The following CCDC150 variants were observed in gnomAD, a reference collection of about 807,000 sequenced individuals.
CCDC150 encodes coiled-coil domain containing 150.
A neutral mutation model predicts 156.5 loss-of-function variants in CCDC150; 151 were observed. That is an observed-to-expected ratio of 0.97 (90% CI 0.85 to 1.10). The LOEUF (loss-of-function observed/expected upper bound fraction) is 1.10, where lower values mean the gene tolerates loss of function less well. Ranked by LOEUF, CCDC150 falls within the 50% of genes least tolerant of loss-of-function variation. The pLI, the probability that CCDC150 is intolerant of heterozygous loss-of-function variation, is 0.00. For synonymous variants in CCDC150, 452 were observed against 429.4 expected (o/e 1.05, Z -0.65); for missense variants, 1,312 against 1,268.1 (o/e 1.03, Z -0.53).
At chr2:196,676,760 C>T in intron 12 of CCDC150, 29 bp downstream of exon 12, 2 of 1,561,096 alleles carry the variant, frequency 1.3e-6, no homozygotes, top group Non-Finnish European at 1.8e-6. Flanking sequence ...ACATTATCTT[C>T]TCATTGTGGT....
At chr2:196,710,758 G>T (rs950740694) in intron 15 of CCDC150, among the ~76,000 whole-genome samples, 3 of 152,100 alleles carry the variant, frequency 2.0e-5, no homozygotes, top group Non-Finnish European at 4.4e-5. Context: ...TACATATAAA[G>T]TTATTTTTTA....
In CCDC150 at chr2:196,701,161, A is replaced by G. The variant is rs1363291112; in HGVS notation, c.1676A>G (p.Tyr559Cys). Reference sequence around the variant, plus strand: ...ACTGAAAGTAAAAATAAACTGGCCTATGAAAACGGAAAACTCCAGGTATGA... The same window carrying G: ...ACTGAAAGTAAAAATAAACTGGCCTGTGAAAACGGAAAACTCCAGGTATGA... ...KITESKNKLA[Y>C]ENGKLQIKVK... Residue 559 changes from tyrosine (Y) to cysteine (C), a missense_variant, in exon 15 of 28, where the codon TAT becomes TGT. By Grantham distance (194) the Tyr-to-Cys change is radical. Coordinates refer to ENST00000389175, the MANE Select transcript of CCDC150 (RefSeq NM_001080539.2). The G allele has an allele frequency of 1.9e-6, 3 of 1,606,666 alleles. No homozygotes were observed. Among genetic ancestry groups the G allele is most frequent in the African/African-American group, 1.3e-5 (1 of 74,868 alleles).
chr2:196,689,568 A>G (rs1157535064), intron 13 of CCDC150, among the ~76,000 whole-genome samples: 1 of 152,036 alleles, frequency 6.6e-6, no homozygotes, highest in East Asian at 1.9e-4. Flanking sequence ...GTGTATAAGA[A>G]TGCTTGTGAT....
intron 27 of CCDC150, 41 bp from the exon 28 acceptor site, chr2:196,732,405 G>T: frequency 1.4e-6 from 2 of 1,431,064 alleles, no homozygotes; most frequent in South Asian, 2.3e-5. Flanking sequence ...GCTGCAGTTA[G>T]CTCTGAACAG....
chr2:196,732,268 A>G, intron 27 of CCDC150, 116 bp downstream of exon 27: 1 of 1,289,702 alleles, frequency 7.8e-7, no homozygotes, highest in Non-Finnish European at 1.1e-6. Context: ...TAGTTTCTTT[A>G]GACTAATGCT....
intron 18 of CCDC150, chr2:196,719,283 A>G (rs1029162984): frequency 2.5e-6 from 1 of 400,112 alleles, no homozygotes; most frequent in South Asian, 4.6e-5. Context: ...GAAGCTGCAG[A>G]GTTCACCAAC....
intron 22 of CCDC150, 46 bp downstream of exon 22, chr2:196,726,145 A>G (rs759508194): frequency 1.9e-6 from 3 of 1,603,462 alleles, no homozygotes; most frequent in South Asian, 2.2e-5. Context: ...GCCTCTTAGG[A>G]TAAGCAGCTC....
intron 1 of CCDC150, among the ~76,000 whole-genome samples, chr2:196,640,453 A>G (rs966834539): frequency 2.0e-5 from 3 of 152,134 alleles, no homozygotes; most frequent in Non-Finnish European, 4.4e-5. Context: ...ATCCCGCCTT[A>G]TGGTTTTCTT....
At chr2:196,656,437 G>A (rs1365821859) in intron 2 of CCDC150, among the ~76,000 whole-genome samples, 196 bp from the exon 3 acceptor site, 1 of 152,114 alleles carries the variant, frequency 6.6e-6, no homozygotes, top group Admixed American at 6.5e-5. Flanking sequence ...GAATTGATCT[G>A]TGTGTCAATT....
At chr2:196,664,127 G>T (rs1438640696) in intron 5 of CCDC150, among the ~76,000 whole-genome samples, 1 of 151,834 alleles carries the variant, frequency 6.6e-6, no homozygotes. Context: ...CACATACCTC[G>T]CAGCAGAACA....
chr2:196,657,572 T>C (rs1232745064), intron 4 of CCDC150: 1 of 171,678 alleles, frequency 5.8e-6, no homozygotes, highest in Non-Finnish European at 1.3e-5. Context: ...GTGAGGATGC[T>C]CTATCTAGAA....
chr2:196,726,900 GTT>G (rs1170891667), intron 22 of CCDC150: 3 of 152,242 alleles, frequency 2.0e-5, no homozygotes, highest in East Asian at 3.9e-4. Context: ...AGCACTATGG[GTT>G]TCTGAGCAGG....
At chr2:196,702,879 G>A (rs1454599047) in intron 15 of CCDC150, among the ~76,000 whole-genome samples, 1 of 152,100 alleles carries the variant, frequency 6.6e-6, no homozygotes, top group Non-Finnish European at 1.5e-5. Flanking sequence ...CACCCTATCT[G>A]TGAACACCTC....
At position 196,732,203 on chromosome 2, in the gene CCDC150, A is replaced by G; in HGVS notation, c.3189+51A>G. On this transcript the variant is annotated intron_variant, in intron 27 of 27. Transcript: ENST00000389175. ...AGCAATTTTCTACTTGTTGCTTCTCAGATTTCTAATTACCGAAGTTCTCTC... is the reference window on the plus strand; with the variant it reads ...AGCAATTTTCTACTTGTTGCTTCTCGGATTTCTAATTACCGAAGTTCTCTC... 5.0e-6 allele frequency: 8 copies of G among 1,603,798 alleles called. 1 individual carries two copies. Among genetic ancestry groups the G allele is most frequent in the Middle Eastern group, 1.7e-4 (1 of 6,038 alleles).
At chr2:196,728,287 G>A (rs1208384140) in intron 22 of CCDC150, among the ~76,000 whole-genome samples, 1 of 152,180 alleles carries the variant, frequency 6.6e-6, no homozygotes, top group Non-Finnish European at 1.5e-5. Context: ...TGAGGTAACT[G>A]GAATATCTAA....
At chr2:196,724,004 A>G (rs1340454891) in intron 21 of CCDC150, among the ~76,000 whole-genome samples, 1 of 152,180 alleles carries the variant, frequency 6.6e-6, no homozygotes, top group Non-Finnish European at 1.5e-5. Flanking sequence ...CGAACTGGAG[A>G]AAAGAGAGAG....
At position 196,732,432 on chromosome 2, in the gene CCDC150, T is replaced by G. The variant is rs773340772; in HGVS notation, c.3190-14T>G. 1 of 1,596,050 alleles carries G rather than the reference T, an allele frequency of 6.3e-7. No individual in the cohort carries two copies. The highest frequency in any genetic ancestry group is 8.6e-7 in the Non-Finnish European group (1 of 1,164,292). On this transcript the variant is annotated splice_polypyrimidine_tract_variant and intron_variant, in intron 27 of 27. Coordinates refer to ENST00000389175, the MANE Select transcript of CCDC150 (RefSeq NM_001080539.2). ...TCTGAACAGTCAGTGTTAGGTGTGT[T>G]TTCTTTCCAACAGGACCAAGATGTA...
chr2:196,641,880 A>T (rs1270920738), intron 1 of CCDC150, among the ~76,000 whole-genome samples: 1 of 152,198 alleles, frequency 6.6e-6, no homozygotes, highest in African/African-American at 2.4e-5. Context: ...ACCTATTGCC[A>T]GGTGTAGGAA....
chr2:196,664,207 CA>C (rs1385248928), intron 5 of CCDC150, among the ~76,000 whole-genome samples: 2 of 152,110 alleles, frequency 1.3e-5, no homozygotes, highest in African/African-American at 4.8e-5. Flanking sequence ...TCCTGTAATT[CA>C]ATTCAGTCCT....
Sources: allele counts gnomAD v4.1 joint callset (sites outside exome capture counted in the v4.1 genomes callset), GRCh38; gene constraint gnomAD v4.1.1; transcripts MANE v1.5; gene names NCBI Gene and HGNC (gene_info 2026-07-23, HGNC 2026-07-21).